Variants in ACTL6B observed in about 807,000 individuals in gnomAD.
ACTL6B encodes the protein actin-like protein 6B.
Under a neutral mutation model 63.3 loss-of-function variants are expected in ACTL6B, and 48 were observed. That is an observed-to-expected ratio of 0.76 (90% CI 0.60 to 0.96). The LOEUF (loss-of-function observed/expected upper bound fraction) is 0.96, where lower values mean the gene tolerates loss of function less well. Among genes scored for constraint, ACTL6B ranks in the 50% least tolerant of loss-of-function variants. The probability of loss-of-function intolerance (pLI) is 0.00; values close to 1 mark genes in which losing one functional copy is unlikely to be tolerated. For synonymous variants in ACTL6B, 230 were observed against 223.8 expected, an observed-to-expected ratio of 1.03 and a Z score of -0.25; for missense variants, 350 against 572.2, an observed-to-expected ratio of 0.61 and a Z score of 3.96.
At chr7:100,643,705 C>A (rs953176122) in intron 13 of ACTL6B, among the ~76,000 whole-genome samples, 1 of 151,988 alleles carries the variant, frequency 6.6e-6, no homozygotes, top group East Asian at 1.9e-4. Context: ...TCTTCTCACT[C>A]CATCAGGGCT....
In ACTL6B at chr7:100,648,591, T is replaced by C. The variant is rs201842916; in HGVS notation, c.634A>G (p.Ile212Val). The C allele has an allele frequency of 1.2e-6, 2 of 1,612,466 alleles. No individual in the cohort carries two copies. The highest frequency in any genetic ancestry group is 4.5e-5 in the East Asian group (2 of 44,836). The change falls in exon 7 of 14, where the codon ATT (isoleucine) becomes GTT (valine). Residue 212 changes from isoleucine (I) to valine (V), a missense_variant. This residue lies in a region of ACTL6B where 250 missense variants were observed against 364.7 expected (regional missense o/e 0.69). Coordinates refer to ENST00000160382, the MANE Select transcript of ACTL6B (RefSeq NM_016188.5). This position sits in a 1 kb window ranked among gnomAD's most constrained non-coding sequence, Gnocchi z 4.4. ...QCRELFQEMA[I>V]DIIPPYMIAA... ...ATCATGTAAGGTGGGATGATGTCAA[T>C]GGCCATCTCCTGGAACAGCTCCCGG... is the stretch of plus-strand genomic sequence containing the variant.
Position 100,643,335 on chromosome 7 carries a change from A to G in ACTL6B, c.1201-9T>C, listed in dbSNP as rs2131330793. The G allele has an allele frequency of 6.2e-7, 1 of 1,613,118 alleles. No individual in the cohort carries two copies. The highest frequency in any genetic ancestry group is 2.2e-5 in the East Asian group (1 of 44,812). On this transcript the variant is annotated splice_polypyrimidine_tract_variant and intron_variant, in intron 13 of 13. Transcript: ENST00000160382. ...ATCTGCTGGAAAGTGCCCTGGGTGG[A>G]GGGGGTAATATCAGGGTCAGGGTGG...
chr7:100,655,049 G>T lies in ACTL6B; in HGVS notation c.339C>A (p.Asn113Lys). The stretch of plus-strand genomic sequence containing the variant: ...CCTCGGACATGAGCACTGGGTGCAG[G>T]TTTGGCTCAGACTTGACGTGTTTGC... The part of the protein sequence containing the change: ...TYSKHVKSEP[N>K]LHPVLMSEAP... The change falls in exon 4 of 14, where the codon AAC becomes AAA. Residue 113 changes from asparagine (N) to lysine (K), a missense_variant. Physicochemically the swap from Asn to Lys is moderately conservative, Grantham distance 94 (BLOSUM62 0). Transcript: ENST00000160382. This position sits in a 1 kb window ranked among gnomAD's most constrained non-coding sequence, Gnocchi z 4.4. The T allele has an allele frequency of 6.2e-7, 1 of 1,614,132 alleles. No homozygotes were observed. Among genetic ancestry groups the T allele is most frequent in the Non-Finnish European group, 8.5e-7 (1 of 1,180,020 alleles).
In ACTL6B at chr7:100,643,261, C is replaced by T; in HGVS notation, c.1266G>A (p.Glu422=). ...EYEEGGKQCV[E]RKCP ...AGGAGTGCCATCAGGGGCACTTTCG[C>T]TCCACGCACTGCTTCCCGCCCTCCT... Residue 422 remains glutamate, a synonymous_variant, in exon 14 of 14, where the codon GAG becomes GAA. Transcript: ENST00000160382. 6.2e-7 allele frequency: 1 copy of T among 1,614,074 alleles called. No individual in the cohort carries two copies. Among genetic ancestry groups the T allele is most frequent in the Non-Finnish European group, 8.5e-7 (1 of 1,179,994 alleles).
chr7:100,655,895 G>A lies in ACTL6B; in HGVS notation c.26-16C>T, dbSNP rs1271142463. 1.3e-6 allele frequency: 2 copies of A among 1,556,680 alleles called. No individual in the cohort carries two copies. Among genetic ancestry groups the A allele is most frequent in the East Asian group, 2.4e-5 (1 of 41,258 alleles). ...CCCACCTCATCTGTGCGGGGAGACAGGCCTGTAAGGGGACCTCCCCCGAAC... is the reference window on the plus strand; with the variant it reads ...CCCACCTCATCTGTGCGGGGAGACAAGCCTGTAAGGGGACCTCCCCCGAAC... On this transcript the variant is annotated splice_polypyrimidine_tract_variant and intron_variant, in intron 1 of 13. Transcript: ENST00000160382. This position sits in a 1 kb window ranked among gnomAD's most constrained non-coding sequence, Gnocchi z 4.4.
chr7:100,648,418 TA>T lies in ACTL6B; in HGVS notation c.669+137del. 2 of 722,272 alleles carry T rather than the reference TA, an allele frequency of 2.8e-6. No individual in the cohort carries two copies. The highest frequency in any genetic ancestry group is 4.4e-6 in the Non-Finnish European group (2 of 456,684). 44.7% of individuals were successfully genotyped at this position (722,272 alleles called of 1,614,324 possible). ...GTCTGGATTTCGGATGCCTCGATTA[TA>T]AAAGGAGGAACTGGAGCCAGGACCC... On this transcript the variant is annotated intron_variant, in intron 7 of 13. Coordinates refer to ENST00000160382, the MANE Select transcript of ACTL6B (RefSeq NM_016188.5). This position sits in a 1 kb window ranked among gnomAD's most constrained non-coding sequence, Gnocchi z 4.4.
In ACTL6B at chr7:100,648,933, T is replaced by C. The variant is rs1023613811; in HGVS notation, c.468-110A>G. On this transcript the variant is annotated intron_variant, in intron 5 of 13. Transcript: ENST00000160382. This position sits in a 1 kb window ranked among gnomAD's most constrained non-coding sequence, Gnocchi z 4.4. Reference sequence around the variant, plus strand: ...ACCGGGGTCCAGCCCATCCCCAGTCTGCAAATCTCTCCCCCTGGTGATGAC... The same window carrying C: ...ACCGGGGTCCAGCCCATCCCCAGTCCGCAAATCTCTCCCCCTGGTGATGAC... 1.0e-6 allele frequency: 1 copy of C among 1,004,080 alleles called. No homozygotes were observed. Among genetic ancestry groups the C allele is most frequent in the African/African-American group, 1.6e-5 (1 of 61,066 alleles). 62.2% of individuals were successfully genotyped at this position (1,004,080 alleles called of 1,614,324 possible). A position where few individuals can be genotyped will look rare whatever the true frequency, so the allele number is the denominator to read the frequency against.
Position 100,655,398 on chromosome 7 carries a change from G to A in ACTL6B, c.268+23C>T, listed in dbSNP as rs777721432. On this transcript the variant is annotated intron_variant, in intron 3 of 13. Coordinates refer to ENST00000160382, the MANE Select transcript of ACTL6B (RefSeq NM_016188.5). This position sits in a 1 kb window ranked among gnomAD's most constrained non-coding sequence, Gnocchi z 4.4. ...GGAGCGGGCTCCTTTTCTGTCAGGA[G>A]GTGATGGGTGGGGGCCCCTTACTCA... is the stretch of plus-strand genomic sequence containing the variant. 1.9e-6 allele frequency: 3 copies of A among 1,610,474 alleles called. No individual in the cohort carries two copies. Among genetic ancestry groups the A allele is most frequent in the Non-Finnish European group, 2.5e-6 (3 of 1,178,106 alleles).
At position 100,648,447 on chromosome 7, in the gene ACTL6B, T is replaced by C; in HGVS notation, c.669+109A>G. On this transcript the variant is annotated intron_variant, in intron 7 of 13. Coordinates refer to ENST00000160382, the MANE Select transcript of ACTL6B (RefSeq NM_016188.5). This position sits in a 1 kb window ranked among gnomAD's most constrained non-coding sequence, Gnocchi z 4.4. The stretch of plus-strand genomic sequence containing the variant: ...AGGAGGAACTGGAGCCAGGACCCAC[T>C]GGGGAGCCTGCTGCTCTCTGCTCTG... 1.0e-6 allele frequency: 1 copy of C among 976,232 alleles called. No individual in the cohort carries two copies. The highest frequency in any genetic ancestry group is 1.5e-6 in the Non-Finnish European group (1 of 677,194). The allele number at this position is 976,232 out of a possible 1,614,324, so 60.5% of individuals were successfully genotyped here. A position where few individuals can be genotyped will look rare whatever the true frequency, so the allele number is the denominator to read the frequency against.
At chr7:100,651,310 G>A (rs1219462812) in intron 4 of ACTL6B, among the ~76,000 whole-genome samples, 1 of 151,996 alleles carries the variant, frequency 6.6e-6, no homozygotes, top group Non-Finnish European at 1.5e-5. Context: ...CAGCGCTTTG[G>A]GAGGCCAAGG....
rs182576881 is a variant in ACTL6B, at chr7:100,650,170, A to G, written c.370-35T>C. 8.7e-4 allele frequency: 1,393 copies of G among 1,600,088 alleles called. 1 individual carries two copies. The highest frequency in any genetic ancestry group is 1.1e-3 in the Non-Finnish European group (1,301 of 1,169,190). On this transcript the variant is annotated intron_variant, in intron 4 of 13. Transcript: ENST00000160382. ...AAGTGCAGAGGGGGAGGATTCAGGA[A>G]GGGAGAGGCACAGACCCACATCCAC...
chr7:100,650,740 A>C (rs113378243), intron 4 of ACTL6B, among the ~76,000 whole-genome samples: 1 of 152,156 alleles, frequency 6.6e-6, no homozygotes, highest in African/African-American at 2.4e-5. Flanking sequence ...GAAAAACTCA[A>C]TAGAAGGATT....
intron 4 of ACTL6B, among the ~76,000 whole-genome samples, chr7:100,653,059 T>C (rs1303875031): frequency 7.1e-6 from 1 of 141,030 alleles, no homozygotes; most frequent in Non-Finnish European, 1.5e-5. Flanking sequence ...ACATTTTTTT[T>C]CCAGTTCTAG....
rs1193282203 is a variant in ACTL6B, at chr7:100,646,909, C to A, written c.936+62G>T. On this transcript the variant is annotated intron_variant, in intron 10 of 13. Coordinates refer to ENST00000160382, the MANE Select transcript of ACTL6B (RefSeq NM_016188.5). This position sits in a 1 kb window ranked among gnomAD's most constrained non-coding sequence, Gnocchi z 6.1. ...CCCTGCAATCCTTCCCAGCCTCCCCCACGCCCCAGGATCCAGGGACTGCAG... is the reference window on the plus strand; with the variant it reads ...CCCTGCAATCCTTCCCAGCCTCCCCAACGCCCCAGGATCCAGGGACTGCAG... 8.1e-6 allele frequency: 13 copies of A among 1,602,622 alleles called. No individual in the cohort carries two copies. In the Admixed American group the frequency reaches 1.0e-4, roughly 12 times the overall value.
In ACTL6B at chr7:100,655,581, G is replaced by T; in HGVS notation, c.108C>A (p.Asp36Glu). Reference sequence around the variant, plus strand: ...CCAGCAGCCCCACTGTGGTGGGGAAGTCAGCCTGGTGGGGAAGGGTTGGGG... The same window carrying T: ...CCAGCAGCCCCACTGTGGTGGGGAATTCAGCCTGGTGGGGAAGGGTTGGGG... ...GYAGEDCPKA[D>E]FPTTVGLLAA... Residue 36 changes from aspartate to glutamate, a missense_variant, in exon 3 of 14, where the codon GAC becomes GAA. This residue lies in a region of ACTL6B where 250 missense variants were observed against 364.7 expected (regional missense o/e 0.69). Coordinates refer to ENST00000160382, the MANE Select transcript of ACTL6B (RefSeq NM_016188.5). The surrounding 1 kb of genome is among the most constrained non-coding windows in gnomAD (Gnocchi z 4.4). The T allele has an allele frequency of 6.2e-7, 1 of 1,612,244 alleles. No homozygotes were observed. The highest frequency in any genetic ancestry group is 8.5e-7 in the Non-Finnish European group (1 of 1,179,126).
At position 100,655,896 on chromosome 7, in the gene ACTL6B, G is replaced by T; in HGVS notation, c.26-17C>A. ...CCACCTCATCTGTGCGGGGAGACAG[G>T]CCTGTAAGGGGACCTCCCCCGAACT... On this transcript the variant is annotated splice_polypyrimidine_tract_variant and intron_variant, in intron 1 of 13. Coordinates refer to ENST00000160382, the MANE Select transcript of ACTL6B (RefSeq NM_016188.5). The surrounding 1 kb of genome is among the most constrained non-coding windows in gnomAD (Gnocchi z 4.4). The T allele has an allele frequency of 6.4e-7, 1 of 1,556,708 alleles. No homozygotes were observed. The highest frequency in any genetic ancestry group is 8.7e-7 in the Non-Finnish European group (1 of 1,150,148).
At chr7:100,652,484 C>T (rs1386041224) in intron 4 of ACTL6B, among the ~76,000 whole-genome samples, 1 of 145,358 alleles carries the variant, frequency 6.9e-6, no homozygotes, top group African/African-American at 2.6e-5. Context: ...GTAGTCCCAG[C>T]TACTCGGGAG....
In ACTL6B at chr7:100,647,572, A is replaced by AC; in HGVS notation, c.670-40dup. ...GTGTAGGAACACCCTTTCCTAGCCCACCTGACCCCCACCCCCACCTTCCTG... is the reference window on the plus strand; with the variant it reads ...GTGTAGGAACACCCTTTCCTAGCCCACCCTGACCCCCACCCCCACCTTCCTG... On this transcript the variant is annotated intron_variant, in intron 7 of 13. Transcript: ENST00000160382. The surrounding 1 kb of genome is among the most constrained non-coding windows in gnomAD (Gnocchi z 4.4). 1 of 1,454,366 alleles carries AC rather than the reference A, an allele frequency of 6.9e-7. No homozygotes were observed. The allele number at this position is 1,454,366 out of a possible 1,614,324, so 90.1% of individuals were successfully genotyped here. A position where few individuals can be genotyped will look rare whatever the true frequency, so the allele number is the denominator to read the frequency against.
Position 100,647,478 on chromosome 7 carries a change from T to G in ACTL6B, c.725A>C (p.Gln242Pro). 1 of 1,611,950 alleles carries G rather than the reference T, an allele frequency of 6.2e-7. No individual in the cohort carries two copies. The highest frequency in any genetic ancestry group is 8.5e-7 in the Non-Finnish European group (1 of 1,178,950). The change falls in exon 8 of 14, where the codon CAG becomes CCG. Residue 242 changes from glutamine to proline, a missense_variant. Gln to Pro is a moderately conservative substitution (Grantham distance 76). Coordinates refer to ENST00000160382, the MANE Select transcript of ACTL6B (RefSeq NM_016188.5). This position sits in a 1 kb window ranked among gnomAD's most constrained non-coding sequence, Gnocchi z 4.4. ...GTAGTTATGCCAGGACTTGGAGACC[T>G]GGGGTAGCTTCTCCTTCTTCTTCCA... ...PNWKKKEKLPQVSKSWHNYMC... is the reference protein window; with the variant it reads ...PNWKKKEKLPPVSKSWHNYMC...
Sources: gnomAD v4.1 joint callset for allele counts (sites outside exome capture counted in the v4.1 genomes callset) on GRCh38, gnomAD v4.1.1 for gene constraint, gnomAD v4.1.1 regional missense constraint, Gnocchi (gnomAD v3.1) non-coding constraint, MANE v1.5 for transcripts, NCBI Gene and HGNC (gene_info 2026-07-23, HGNC 2026-07-21) for gene names.